Variants in LPA observed in about 807,000 individuals in gnomAD.
LPA encodes the protein apolipoprotein(a).
A neutral mutation model predicts 197.9 loss-of-function variants in LPA; 199 were observed. The ratio of observed to expected loss-of-function variants is 1.01; its 90% CI spans 0.90 to 1.13. The LOEUF (loss-of-function observed/expected upper bound fraction) is 1.13, where lower values mean the gene tolerates loss of function less well. LPA is among the 50% of genes most tolerant of loss of function. The pLI, the probability that LPA is intolerant of heterozygous loss-of-function variation, is 0.00. For synonymous variants in LPA, 715 were observed against 639.5 expected (o/e 1.12, Z -1.78); for missense variants, 1,853 against 1,785.8 (o/e 1.04, Z -0.68).
At chr6:160,543,966 T>A (rs1020661895) in intron 33 of LPA, among the ~76,000 whole-genome samples, 14 of 152,186 alleles carry the variant, frequency 9.2e-5, no homozygotes, top group Admixed American at 9.2e-4. Flanking sequence ...TTAACCTCAC[T>A]TGTCTTACAT....
chr6:160,647,225 G>A (rs924826676), intron 2 of LPA, among the ~76,000 whole-genome samples: 1 of 152,178 alleles, frequency 6.6e-6, no homozygotes, highest in Non-Finnish European at 1.5e-5. Flanking sequence ...GGAAGACTAA[G>A]AGATCTGAAG....
At chr6:160,576,121 A>C (rs1778653757) in intron 28 of LPA, among the ~76,000 whole-genome samples, 1 of 151,822 alleles carries the variant, frequency 6.6e-6, no homozygotes, top group Non-Finnish European at 1.5e-5. Flanking sequence ...GTATTTTCAT[A>C]TATTTTATAG....
chr6:160,571,613 C>A lies in LPA; in HGVS notation c.4631+5523G>T, dbSNP rs1007617223. 3.3e-5 allele frequency among the ~76,000 whole-genome samples: 5 copies of A among 152,304 alleles called. No homozygotes were observed. In the East Asian group the frequency reaches 9.7e-4, roughly 29 times the overall value. ...TAGAGAGGCACTCTTGCTACAATGGCTTTGCCAAGCTGCAGTGCACCCTGC... is the reference window on the plus strand; with the variant it reads ...TAGAGAGGCACTCTTGCTACAATGGATTTGCCAAGCTGCAGTGCACCCTGC... On this transcript the variant is annotated intron_variant, in intron 28 of 38. Transcript: ENST00000316300.
intron 26 of LPA, among the ~76,000 whole-genome samples, chr6:160,582,542 G>A (rs1778821289): frequency 6.6e-6 from 1 of 151,986 alleles, no homozygotes; most frequent in South Asian, 2.1e-4. Flanking sequence ...TGATGAGAAG[G>A]CATCAGTCAT....
intron 1 of LPA, among the ~76,000 whole-genome samples, chr6:160,652,460 A>C (rs1167424839): frequency 6.6e-6 from 1 of 152,144 alleles, no homozygotes; most frequent in Non-Finnish European, 1.5e-5. Context: ...ACTTTTAAAA[A>C]CTGAAGGCAA....
intron 4 of LPA, among the ~76,000 whole-genome samples, chr6:160,643,083 A>AGTGTGT (rs767484310): frequency 6.3e-3 from 821 of 130,046 alleles, no homozygotes; most frequent in African/African-American, 0.017. Flanking sequence ...GTGTGTTTTC[A>AGTGTGT]GTGTGTGTGT....
At chr6:160,602,273 A>T (rs1164447896) in intron 18 of LPA, among the ~76,000 whole-genome samples, 1 of 152,130 alleles carries the variant, frequency 6.6e-6, no homozygotes, top group African/African-American at 2.4e-5. Flanking sequence ...CTTATTATAT[A>T]ATATCCCTCA....
In LPA at chr6:160,577,135, C is replaced by A; in HGVS notation, c.4631+1G>T. On this transcript the variant is annotated splice_donor_variant, in intron 28 of 38. Coordinates refer to ENST00000316300, the MANE Select transcript of LPA (RefSeq NM_005577.4). LOFTEE classifies it high-confidence loss of function. ...TCTTATGGTTTTAATCAAATACATA[C>A]GCATTTGGGTAGTTTTCTGGGGTCC... 1 of 1,613,176 alleles carries A rather than the reference C, an allele frequency of 6.2e-7. No individual in the cohort carries two copies. Among genetic ancestry groups the A allele is most frequent in the Non-Finnish European group, 8.5e-7 (1 of 1,179,566 alleles).
At chr6:160,541,271 T>G (rs1562314991) in intron 34 of LPA, 90 bp from the exon 35 acceptor site, 2 of 956,484 alleles carry the variant, frequency 2.1e-6, no homozygotes, top group Non-Finnish European at 3.4e-6. Context: ...GTTCACTCAG[T>G]TTTGATCATG....
intron 26 of LPA, among the ~76,000 whole-genome samples, chr6:160,581,345 G>A (rs1310460331): frequency 2.6e-5 from 4 of 152,082 alleles, no homozygotes; most frequent in Non-Finnish European, 4.4e-5. Context: ...TGTCTCCCAG[G>A]CTAAAGTTCA....
chr6:160,540,570 G>A (rs1777965111), intron 35 of LPA, among the ~76,000 whole-genome samples: 1 of 152,200 alleles, frequency 6.6e-6, no homozygotes, highest in Middle Eastern at 3.4e-3. Flanking sequence ...ATTTGGTATT[G>A]TGCAGCACCC....
intron 2 of LPA, among the ~76,000 whole-genome samples, chr6:160,648,137 G>A (rs537656068): frequency 4.6e-5 from 7 of 152,212 alleles, no homozygotes; most frequent in East Asian, 1.9e-4. Context: ...TCTTTCTTAC[G>A]TTTATTACTT....
chr6:160,533,144 A>C (rs1421908942), intron 37 of LPA, among the ~76,000 whole-genome samples: 1 of 152,194 alleles, frequency 6.6e-6, no homozygotes, highest in African/African-American at 2.4e-5. Flanking sequence ...CTTAATGGGC[A>C]TGAGGTTTCC....
intron 2 of LPA, among the ~76,000 whole-genome samples, chr6:160,648,068 C>T (rs942629428): frequency 4.1e-4 from 62 of 152,138 alleles, no homozygotes; most frequent in Admixed American, 7.9e-4. Context: ...TGCATTCCTC[C>T]AACATGGATG....
chr6:160,565,356 C>A (rs992422387), intron 28 of LPA, among the ~76,000 whole-genome samples: 1 of 152,166 alleles, frequency 6.6e-6, no homozygotes, highest in African/African-American at 2.4e-5. Context: ...GCAACATTTG[C>A]TGTTCTGTAA....
chr6:160,566,325 G>A (rs1378321393), intron 28 of LPA, among the ~76,000 whole-genome samples: 1 of 151,910 alleles, frequency 6.6e-6, no homozygotes, highest in African/African-American at 2.4e-5. Flanking sequence ...GAAGAGAGTG[G>A]CAGCCAATAT....
intron 28 of LPA, among the ~76,000 whole-genome samples, chr6:160,569,098 C>T (rs940612106): frequency 4.6e-5 from 7 of 152,144 alleles, no homozygotes; most frequent in Non-Finnish European, 7.4e-5. Context: ...CATCAAGCTA[C>T]CAATGACTTT....
rs767808908 is a variant in LPA at position 160,548,532 on chromosome 6, C to T, written c.5101G>A (p.Val1701Ile). The T allele has an allele frequency of 6.2e-7, 1 of 1,614,082 alleles. No individual in the cohort carries two copies. Among genetic ancestry groups the T allele is most frequent in the South Asian group, 1.1e-5 (1 of 91,068 alleles). The change falls in exon 31 of 39, where the codon GTC (valine) becomes ATC (isoleucine). Residue 1701 changes from valine (V) to isoleucine (I), a missense_variant. This residue lies in a region of LPA where 1,737 missense variants were observed against 1,504.4 expected (regional missense o/e 1.15). Coordinates refer to ENST00000316300, the MANE Select transcript of LPA (RefSeq NM_005577.4). ...TRCSDTEGTV[V>I]APPTVIQVPS... ...ACCTGGATGACAGTCGGAGGAGCGA[C>T]CACAGTCCCTTCTGTGTCTGAGCAT...
chr6:160,580,646 T>C (rs190090877), intron 26 of LPA, among the ~76,000 whole-genome samples: 3 of 152,318 alleles, frequency 2.0e-5, no homozygotes, highest in Admixed American at 2.0e-4. Flanking sequence ...GTTATAACTC[T>C]TGATTTTTGA....
Sources: allele counts gnomAD v4.1 joint callset (sites outside exome capture counted in the v4.1 genomes callset), GRCh38; gene constraint gnomAD v4.1.1; regional missense constraint gnomAD v4.1.1; transcripts MANE v1.5; gene names NCBI Gene and HGNC (gene_info 2026-07-23, HGNC 2026-07-21).